The following EXPH5 variants were observed in gnomAD, a reference collection of about 807,000 sequenced individuals.
EXPH5 encodes the protein exophilin-5.
EXPH5 carries 42 observed loss-of-function variants against 41.1 expected under a neutral mutation model. That is an observed-to-expected ratio of 1.02 (90% CI 0.80 to 1.32). The LOEUF (loss-of-function observed/expected upper bound fraction) is 1.32, where lower values mean the gene tolerates loss of function less well. EXPH5 is among the 40% of genes most tolerant of loss of function. The pLI, the probability that EXPH5 is intolerant of heterozygous loss-of-function variation, is 0.00. For synonymous variants in EXPH5, 798 were observed against 833.5 expected (o/e 0.96, Z 0.73); for missense variants, 2,298 against 2,314.5 (o/e 0.99, Z 0.15).
chr11:108,573,190 A>G (rs2094068263), intron 1 of EXPH5, among the ~76,000 whole-genome samples: 1 of 136,050 alleles, frequency 7.4e-6, no homozygotes, highest in East Asian at 2.2e-4. Context: ...GAAAGAAAGA[A>G]AGAAAGAAAA....
rs1441865910 is a variant in EXPH5 at position 108,514,392 on chromosome 11, A to G, written c.1115T>C (p.Ile372Thr). ...SPKRTPLSSI[I>T]WNRSDSSRDR... Reference sequence around the variant, plus strand: ...TCTAGAGGAATCTGATCTGTTCCATATGATGGATGATAAAGGAGTTCTCTT... The same window carrying G: ...TCTAGAGGAATCTGATCTGTTCCATGTGATGGATGATAAAGGAGTTCTCTT... Residue 372 changes from isoleucine to threonine, a missense_variant, in exon 6 of 6, where the codon ATA becomes ACA. Transcript: ENST00000265843. 2.5e-6 allele frequency: 4 copies of G among 1,614,122 alleles called. No individual in the cohort carries two copies. Among genetic ancestry groups the G allele is most frequent in the Non-Finnish European group, 3.4e-6 (4 of 1,180,004 alleles).
intron 1 of EXPH5, among the ~76,000 whole-genome samples, chr11:108,591,067 C>G (rs564245694): frequency 3.2e-4 from 49 of 152,300 alleles, no homozygotes; most frequent in African/African-American, 1.1e-3. Flanking sequence ...CTAAACTTCC[C>G]CATTTGGACC....
intron 4 of EXPH5, 114 bp from the exon 5 acceptor site, chr11:108,518,487 T>C: frequency 1.1e-6 from 1 of 884,190 alleles, no homozygotes; most frequent in Non-Finnish European, 1.7e-6. Flanking sequence ...GGACTGCAAA[T>C]CCATTTTTCT....
At chr11:108,587,043 ACTT>A (rs2094115356) in intron 1 of EXPH5, among the ~76,000 whole-genome samples, 1 of 152,152 alleles carries the variant, frequency 6.6e-6, no homozygotes, top group African/African-American at 2.4e-5. Context: ...CTTAGCTAGC[ACTT>A]CTTAGTTCTT....
intron 5 of EXPH5, among the ~76,000 whole-genome samples, chr11:108,516,976 C>G (rs2093730698): frequency 6.6e-6 from 1 of 151,920 alleles, no homozygotes; most frequent in South Asian, 2.1e-4. Flanking sequence ...TCTTTGATAC[C>G]CATTCTCCCT....
chr11:108,525,555 CT>C (rs535529314), intron 4 of EXPH5, among the ~76,000 whole-genome samples: 92 of 152,172 alleles, frequency 6.0e-4, no homozygotes, highest in Non-Finnish European at 1.2e-3. Flanking sequence ...GTGTCTTTTG[CT>C]TCTTTTAAGC....
At chr11:108,605,565 C>G in the EXPH5 span, among the ~76,000 whole-genome samples, 1 of 152,244 alleles carries the variant, frequency 6.6e-6, no homozygotes, top group African/African-American at 2.4e-5. Flanking sequence ...GGACAGCCCC[C>G]CTCCTACGCC....
intron 1 of EXPH5, among the ~76,000 whole-genome samples, chr11:108,543,142 GC>G (rs2093921347): frequency 6.6e-6 from 1 of 152,210 alleles, no homozygotes; most frequent in South Asian, 2.1e-4. Flanking sequence ...GAAAAGCCAT[GC>G]AGCGCACAAA....
chr11:108,593,881 C>T (rs948098187), upstream of EXPH5: 2 of 777,824 alleles, frequency 2.6e-6, no homozygotes, highest in Non-Finnish European at 2.1e-6. Flanking sequence ...CTCCCTCGTC[C>T]CCTCCGGTCA....
Position 108,509,965 on chromosome 11 carries a change from T to C in EXPH5, c.5542A>G (p.Arg1848Gly), listed in dbSNP as rs2093666121. 1 of 1,613,478 alleles carries C rather than the reference T, an allele frequency of 6.2e-7. No individual in the cohort carries two copies. The highest frequency in any genetic ancestry group is 1.3e-5 in the African/African-American group (1 of 74,898). Residue 1848 changes from arginine to glycine, a missense_variant, in exon 6 of 6, where the codon AGA (arginine) becomes GGA (glycine). By Grantham distance (125) the Arg-to-Gly change is moderately radical. Coordinates refer to ENST00000265843, the MANE Select transcript of EXPH5 (RefSeq NM_015065.3). ...EFSVNNGYSR[R>G]FRSFSELPSC... ...GGGAGTTCAGAAAAAGATCTGAATC[T>C]TCGACTGTACCCATTGTTGACAGAG... is the stretch of plus-strand genomic sequence containing the variant.
At chr11:108,569,443 G>A (rs1304101715) in intron 1 of EXPH5, among the ~76,000 whole-genome samples, 9 of 150,430 alleles carry the variant, frequency 6.0e-5, no homozygotes, top group Admixed American at 2.6e-4. Context: ...AGGTTCAAGC[G>A]ATTCTCCTGC....
chr11:108,607,356 C>A, the EXPH5 span, among the ~76,000 whole-genome samples: 1 of 152,090 alleles, frequency 6.6e-6, no homozygotes, highest in African/African-American at 2.4e-5. Context: ...ATGGAGTCAA[C>A]TAGAAAAGAA....
At chr11:108,516,908 A>C (rs923314266) in intron 5 of EXPH5, among the ~76,000 whole-genome samples, 15 of 152,260 alleles carry the variant, frequency 9.9e-5, no homozygotes, top group Admixed American at 2.6e-4. Flanking sequence ...AAAAAACAAA[A>C]CAAAACAACT....
chr11:108,511,620 T>C lies in EXPH5; in HGVS notation c.3887A>G (p.Asp1296Gly). ...TETFPNALEK[D>G]KQNYSTREQS... Reference sequence around the variant, plus strand: ...CTCTCGTGTAGAATAATTCTGTTTGTCTTTTTCTAAAGCGTTAGGAAATGT... The same window carrying C: ...CTCTCGTGTAGAATAATTCTGTTTGCCTTTTTCTAAAGCGTTAGGAAATGT... Residue 1296 changes from aspartate to glycine, a missense_variant, in exon 6 of 6, where the codon GAC becomes GGC. Physicochemically the swap from Asp to Gly is moderately conservative, Grantham distance 94 (BLOSUM62 -1). Transcript: ENST00000265843. 3 of 1,610,900 alleles carry C rather than the reference T, an allele frequency of 1.9e-6. No individual in the cohort carries two copies. The highest frequency in any genetic ancestry group is 2.5e-6 in the Non-Finnish European group (3 of 1,179,304).
At chr11:108,588,621 C>T (rs2094120025) in intron 1 of EXPH5, among the ~76,000 whole-genome samples, 1 of 151,696 alleles carries the variant, frequency 6.6e-6, no homozygotes, top group South Asian at 2.1e-4. Context: ...AGATAGTGCA[C>T]ACAAAGAGCT....
At chr11:108,562,439 CAAA>C (rs202196520) in intron 1 of EXPH5, among the ~76,000 whole-genome samples, 2 of 150,346 alleles carry the variant, frequency 1.3e-5, no homozygotes, top group East Asian at 2.0e-4. Context: ...TAAACAACAA[CAAA>C]AAAAAAGAAT....
At position 108,512,808 on chromosome 11, in the gene EXPH5, A is replaced by G; in HGVS notation, c.2699T>C (p.Val900Ala). ...SKNSSLDAPVVPSTTVFSRRS... is the reference protein window; with the variant it reads ...SKNSSLDAPVAPSTTVFSRRS... ...CCTGGAGAACACTGTAGTAGATGGAACCACAGGAGCATCAAGGGAAGAATT... is the reference window on the plus strand; with the variant it reads ...CCTGGAGAACACTGTAGTAGATGGAGCCACAGGAGCATCAAGGGAAGAATT... The change falls in exon 6 of 6, where the codon GTT becomes GCT. Residue 900 changes from valine (V) to alanine (A), a missense_variant. Physicochemically the swap from Val to Ala is moderately conservative, Grantham distance 64. Transcript: ENST00000265843. The G allele has an allele frequency of 6.2e-7, 1 of 1,614,146 alleles. No individual in the cohort carries two copies.
chr11:108,568,428 T>G (rs899675764), intron 1 of EXPH5, among the ~76,000 whole-genome samples: 1 of 152,014 alleles, frequency 6.6e-6, no homozygotes, highest in Non-Finnish European at 1.5e-5. Flanking sequence ...CTCCCAGAAG[T>G]CCTTCACCAG....
In EXPH5 at chr11:108,513,555, A is replaced by G. The variant is rs1387885447; in HGVS notation, c.1952T>C (p.Val651Ala). 1 of 1,614,044 alleles carries G rather than the reference A, an allele frequency of 6.2e-7. No homozygotes were observed. Among genetic ancestry groups the G allele is most frequent in the Non-Finnish European group, 8.5e-7 (1 of 1,180,030 alleles). Residue 651 changes from valine to alanine, a missense_variant, in exon 6 of 6, where the codon GTC (valine) becomes GCC (alanine). Physicochemically the swap from Val to Ala is moderately conservative, Grantham distance 64. Transcript: ENST00000265843. ...PQSPNLQNPT[V>A]TLQKIFPNKP... Reference sequence around the variant, plus strand: ...ATTTGGAAAAATTTTCTGCAAAGTGACTGTGGGATTCTGCAAGTTGGGACT... The same window carrying G: ...ATTTGGAAAAATTTTCTGCAAAGTGGCTGTGGGATTCTGCAAGTTGGGACT...
Sources: allele counts gnomAD v4.1 joint callset (sites outside exome capture counted in the v4.1 genomes callset), GRCh38; gene constraint gnomAD v4.1.1; transcripts MANE v1.5; gene names NCBI Gene and HGNC (gene_info 2026-07-23, HGNC 2026-07-21).